RSPO3: variants seen among roughly 807,000 people sequenced by gnomAD.
RSPO3 encodes the protein R-spondin 3, also known as R-spondin-3.
Under a neutral mutation model 36.5 loss-of-function variants are expected in RSPO3, and 17 were observed. The ratio of observed to expected loss-of-function variants is 0.47; its 90% CI spans 0.32 to 0.70. RSPO3 has a LOEUF of 0.70. RSPO3 is among the 30% of genes least tolerant of loss of function. The pLI is 0.04. For missense variants in RSPO3, 294 were observed against 322.5 expected (o/e 0.91, Z 0.68); for synonymous variants, 108 against 107.0 (o/e 1.01, Z -0.06).
chr6:127,177,907 A>G (rs1775088135), intron 4 of RSPO3, among the ~76,000 whole-genome samples: 1 of 151,022 alleles, frequency 6.6e-6, no homozygotes, highest in Non-Finnish European at 1.5e-5. Flanking sequence ...TTTTTTTTTT[A>G]CAAAAAGAGA....
chr6:127,166,923 G>C (rs34648926), intron 4 of RSPO3, among the ~76,000 whole-genome samples: 2 of 151,722 alleles, frequency 1.3e-5, no homozygotes, highest in East Asian at 1.9e-4. Flanking sequence ...ATTTCCACAG[G>C]ATGCCTATTT....
chr6:127,152,208 G>A (rs1305898670), intron 3 of RSPO3, among the ~76,000 whole-genome samples: 1 of 152,114 alleles, frequency 6.6e-6, no homozygotes, highest in Non-Finnish European at 1.5e-5. Context: ...TTGGAAAAGA[G>A]GTTAGCAGTC....
intron 4 of RSPO3, among the ~76,000 whole-genome samples, chr6:127,157,260 T>C (rs1159677844): frequency 6.6e-6 from 1 of 152,172 alleles, no homozygotes; most frequent in African/African-American, 2.4e-5. Context: ...TCTTTGCTCA[T>C]ATCATTCTTT....
At chr6:127,171,996 G>A (rs7742668) in intron 4 of RSPO3, among the ~76,000 whole-genome samples, 70,503 of 150,572 alleles carry the variant, frequency 0.47, 16,661 homozygotes, top group East Asian at 0.53. Context: ...GGACCTGAAT[G>A]TATGTATTGG....
Position 127,175,344 on chromosome 6 carries a change from G to A in RSPO3, c.634+19906G>A, listed in dbSNP as rs564388649. Among the ~76,000 whole-genome samples, 17 of 151,788 alleles carry A rather than the reference G, an allele frequency of 1.1e-4. No individual in the cohort carries two copies. The South Asian group carries it at 1.7e-3, about 15-fold the overall frequency. On this transcript the variant is annotated intron_variant, in intron 4 of 4. Coordinates refer to ENST00000356698, the MANE Select transcript of RSPO3 (RefSeq NM_032784.5). ...GTGTTTCAATATTCAGCATCTTGCG[G>A]AATATTGAAAACCAGTAAGTAAAAG... is the stretch of plus-strand genomic sequence containing the variant.
chr6:127,178,361 TA>T (rs1562252438), intron 4 of RSPO3, among the ~76,000 whole-genome samples: 1 of 151,682 alleles, frequency 6.6e-6, no homozygotes, highest in Admixed American at 6.6e-5. Context: ...GAAGTCAGGT[TA>T]AAAAATGATT....
intron 4 of RSPO3, among the ~76,000 whole-genome samples, chr6:127,195,283 C>A (rs950818406): frequency 2.0e-5 from 3 of 152,156 alleles, no homozygotes; most frequent in African/African-American, 7.2e-5. Context: ...ATCCTCCTAC[C>A]TCAGCCTTCT....
chr6:127,178,625 T>C (rs1275567046), intron 4 of RSPO3, among the ~76,000 whole-genome samples: 1 of 151,758 alleles, frequency 6.6e-6, no homozygotes, highest in Non-Finnish European at 1.5e-5. Context: ...ATAAATGGAA[T>C]CAATAAAAAT....
At chr6:127,179,789 G>GAATT (rs1207791203) in intron 4 of RSPO3, among the ~76,000 whole-genome samples, 1 of 151,808 alleles carries the variant, frequency 6.6e-6, no homozygotes, top group East Asian at 1.9e-4. Context: ...AGATTTTACA[G>GAATT]GCTGCTCACA....
rs1002305367 is a variant in RSPO3 at position 127,154,389 on chromosome 6, T to C, written c.437-852T>C. Reference sequence around the variant, plus strand: ...CTGTTACAACCTGAGAAAGCCGTTATTGAAAAAAAGAAACTAATACAGAAA... The same window carrying C: ...CTGTTACAACCTGAGAAAGCCGTTACTGAAAAAAAGAAACTAATACAGAAA... On this transcript the variant is annotated intron_variant, in intron 3 of 4. Coordinates refer to ENST00000356698, the MANE Select transcript of RSPO3 (RefSeq NM_032784.5). Among the ~76,000 whole-genome samples, 7 of 152,188 alleles carry C rather than the reference T, an allele frequency of 4.6e-5. No individual in the cohort carries two copies. The East Asian group carries it at 1.4e-3, about 29-fold the overall frequency.
At chr6:127,122,766 T>C (rs1773869908) in intron 1 of RSPO3, among the ~76,000 whole-genome samples, 1 of 152,246 alleles carries the variant, frequency 6.6e-6, no homozygotes, top group South Asian at 2.1e-4. Context: ...TTTTATATAA[T>C]GGTGATCAAT....
chr6:127,121,028 C>T (rs756397789), intron 1 of RSPO3, among the ~76,000 whole-genome samples: 1 of 152,132 alleles, frequency 6.6e-6, no homozygotes, highest in Non-Finnish European at 1.5e-5. Context: ...CGGGCTGGAG[C>T]GCAACCCACT....
Position 127,119,151 on chromosome 6 carries a change from AAAAG to A in RSPO3, c.-36_-33del, listed in dbSNP as rs755251006. On this transcript the variant is annotated 5_prime_UTR_variant, in exon 1 of 5. Transcript: ENST00000356698. ...AAAACATTAAATATAATTAACAATC[AAAAG>A]AAAGAGGAGAAAGGAAGGGAAGCAT... 161 of 1,402,704 alleles carry A rather than the reference AAAAG, an allele frequency of 1.1e-4. No individual in the cohort carries two copies. Among genetic ancestry groups the A allele is most frequent in the Non-Finnish European group, 1.4e-4 (143 of 995,182 alleles). The allele number at this position is 1,402,704 out of a possible 1,614,324, so 86.9% of individuals were successfully genotyped here.
intron 4 of RSPO3, among the ~76,000 whole-genome samples, chr6:127,166,757 G>A (rs2154168): frequency 0.42 from 63,431 of 151,720 alleles, 13,615 homozygotes; most frequent in East Asian, 0.53. Context: ...TTCACACGTG[G>A]AATATATCAA....
chr6:127,179,995 T>A (rs1356749504), intron 4 of RSPO3, among the ~76,000 whole-genome samples: 1 of 151,862 alleles, frequency 6.6e-6, no homozygotes, highest in Non-Finnish European at 1.5e-5. Context: ...ATTAGCTAGA[T>A]GCTAGAAGTG....
chr6:127,184,733 A>G (rs993992691), intron 4 of RSPO3, among the ~76,000 whole-genome samples: 1 of 152,032 alleles, frequency 6.6e-6, no homozygotes, highest in Non-Finnish European at 1.5e-5. Context: ...TATAAGTTAC[A>G]GAAATCACTA....
chr6:127,150,059 G>T (rs560470152), intron 2 of RSPO3, among the ~76,000 whole-genome samples: 1 of 151,844 alleles, frequency 6.6e-6, no homozygotes, highest in Admixed American at 6.6e-5. Context: ...TAGCCCTCAA[G>T]AACAACACAA....
At chr6:127,130,809 T>G (rs1751614328) in intron 1 of RSPO3, among the ~76,000 whole-genome samples, 1 of 152,008 alleles carries the variant, frequency 6.6e-6, no homozygotes, top group Non-Finnish European at 1.5e-5. Flanking sequence ...CTTATAGAAT[T>G]TAGTTTTGTT....
chr6:127,144,406 T>C (rs1466641665), intron 1 of RSPO3, among the ~76,000 whole-genome samples: 1 of 152,132 alleles, frequency 6.6e-6, no homozygotes, highest in Non-Finnish European at 1.5e-5. Flanking sequence ...GGCTATTCCT[T>C]TGAGTTCAAG....
Sources: allele counts gnomAD v4.1 joint callset (sites outside exome capture counted in the v4.1 genomes callset), GRCh38; gene constraint gnomAD v4.1.1; transcripts MANE v1.5; gene names NCBI Gene and HGNC (gene_info 2026-07-23, HGNC 2026-07-21).